Variants in GLI4 observed in about 807,000 individuals in gnomAD.
GLI4 encodes the protein zinc finger protein GLI4.
A neutral mutation model predicts 30.9 loss-of-function variants in GLI4; 34 were observed. The ratio of observed to expected loss-of-function variants is 1.10; its 90% confidence interval spans 0.84 to 1.47. GLI4 has a LOEUF of 1.47. Ranked by LOEUF, GLI4 falls within the 40% of genes most tolerant of loss-of-function variation. The pLI is 0.00. For missense variants in GLI4, 696 were observed against 538.9 expected (o/e 1.29, Z -2.89); for synonymous variants, 277 against 236.7 (o/e 1.17, Z -1.56).
chr8:143,268,655 G>C (rs548000194), intron 1 of GLI4, among the ~76,000 whole-genome samples: 1 of 152,370 alleles, frequency 6.6e-6, no homozygotes, highest in South Asian at 2.1e-4. Context: ...CACAGGGCCA[G>C]CAGCTGAGGT....
chr8:143,276,218 C>T lies in GLI4; in HGVS notation c.545C>T (p.Pro182Leu). The change falls in exon 4 of 4, where the codon CCG becomes CTG. Residue 182 changes from proline to leucine, a missense_variant. Physicochemically the swap from Pro to Leu is moderately conservative, Grantham distance 98. Coordinates refer to ENST00000340042, the MANE Select transcript of GLI4 (RefSeq NM_138465.4). ...SRQGSARGAKPHRCEACGKSF... is the reference protein window; with the variant it reads ...SRQGSARGAKLHRCEACGKSF... ...CAGGGCAGCGCGCGGGGGGCCAAGC[C>T]GCACAGGTGCGAGGCCTGCGGCAAG... is the stretch of plus-strand genomic sequence containing the variant. The T allele has an allele frequency of 1.6e-5, 26 of 1,588,684 alleles. No individual in the cohort carries two copies. Among genetic ancestry groups the T allele is most frequent in the Non-Finnish European group, 2.1e-5 (24 of 1,168,522 alleles).
chr8:143,274,696 A>AC lies in GLI4; in HGVS notation c.125-3dup. ...GTGGAGGTGAGCCCCAGCCTCCCTG[A>AC]CCCCCAGGCTCCCCTGGCTCCAGCC... On this transcript the variant is annotated splice_region_variant and splice_polypyrimidine_tract_variant and intron_variant, in intron 2 of 3. Coordinates refer to ENST00000340042, the MANE Select transcript of GLI4 (RefSeq NM_138465.4). The AC allele has an allele frequency of 6.5e-7, 1 of 1,546,740 alleles. No individual in the cohort carries two copies. Among genetic ancestry groups the AC allele is most frequent in the Non-Finnish European group, 8.8e-7 (1 of 1,142,258 alleles).
intron 3 of GLI4, 101 bp downstream of exon 3, chr8:143,274,903 C>T: frequency 6.7e-7 from 1 of 1,486,888 alleles, no homozygotes; most frequent in East Asian, 2.5e-5. Flanking sequence ...GGCACCACCC[C>T]CTTCCTGGGG....
chr8:143,276,032 A>G lies in GLI4; in HGVS notation c.359A>G (p.Glu120Gly). 1 of 1,389,874 alleles carries G rather than the reference A, an allele frequency of 7.2e-7. No individual in the cohort carries two copies. The highest frequency in any genetic ancestry group is 1.6e-5 in the South Asian group (1 of 60,642). The allele number at this position is 1,389,874 out of a possible 1,614,324, so 86.1% of individuals were successfully genotyped here. The part of the protein sequence containing the change: ...RARCSAGFGP[E>G]SSAERPAGQP... ...CGGTGCAGCGCCGGCTTCGGGCCTG[A>G]ATCCAGCGCGGAGCGGCCGGCGGGC... The change falls in exon 4 of 4, where the codon GAA becomes GGA. Residue 120 changes from glutamate to glycine, a missense_variant. By Grantham distance (98) the Glu-to-Gly change is moderately conservative (BLOSUM62 -2). Transcript: ENST00000340042.
At chr8:143,269,662 G>T (rs1815222506) in intron 2 of GLI4, 142 bp downstream of exon 2, 2 of 741,134 alleles carry the variant, frequency 2.7e-6, no homozygotes, top group Admixed American at 4.4e-5. Context: ...AGCAGCTGGG[G>T]TTCCCACACC....
chr8:143,269,923 C>T (rs990561977), intron 2 of GLI4, among the ~76,000 whole-genome samples: 4 of 152,234 alleles, frequency 2.6e-5, no homozygotes, highest in Non-Finnish European at 5.9e-5. Context: ...GGTGTGATCC[C>T]CCGGGACTCG....
chr8:143,276,743 G>A lies in GLI4; in HGVS notation c.1070G>A (p.Gly357Asp). 1 of 1,607,986 alleles carries A rather than the reference G, an allele frequency of 6.2e-7. No individual in the cohort carries two copies. The highest frequency in any genetic ancestry group is 1.1e-5 in the South Asian group (1 of 90,650). ...AAGCCCTTCGCGTGTGGCGCCTGCG[G>A]CAAGGCCTTCGGCCAGAGCTCCCAG... ...GEKPFACGAC[G>D]KAFGQSSQLI... Residue 357 changes from glycine to aspartate, a missense_variant, in exon 4 of 4, where the codon GGC becomes GAC. Transcript: ENST00000340042.
At chr8:143,268,163 A>G (rs554509383) in intron 1 of GLI4, 214 of 813,570 alleles carry the variant, frequency 2.6e-4, no homozygotes, top group African/African-American at 1.6e-3. Flanking sequence ...GTGGCCACCT[A>G]CCTGGTGACC....
Position 143,269,470 on chromosome 8 carries a change from C to G in GLI4, c.74C>G (p.Pro25Arg), listed in dbSNP as rs1269563283. The change falls in exon 2 of 4, where the codon CCT (proline) becomes CGT (arginine). Residue 25 changes from proline (P) to arginine (R), a missense_variant. Coordinates refer to ENST00000340042, the MANE Select transcript of GLI4 (RefSeq NM_138465.4). ...SPVSLSSPGT[P>R]GTQHHEPQLH... ...GTCAGTCTCTCATCACCGGGGACACCTGGAACCCAGCACCACGAGCCTCAG... is the reference window on the plus strand; with the variant it reads ...GTCAGTCTCTCATCACCGGGGACACGTGGAACCCAGCACCACGAGCCTCAG... 1 of 1,612,494 alleles carries G rather than the reference C, an allele frequency of 6.2e-7. No individual in the cohort carries two copies. Among genetic ancestry groups the G allele is most frequent in the Non-Finnish European group, 8.5e-7 (1 of 1,178,994 alleles).
intron 1 of GLI4, chr8:143,267,780 A>T (rs543098963): frequency 3.0e-6 from 3 of 985,120 alleles, no homozygotes; most frequent in South Asian, 4.7e-5. Context: ...CACTCTGCAG[A>T]TGGGAAACTG....
At chr8:143,270,981 G>A (rs570634266) in intron 2 of GLI4, among the ~76,000 whole-genome samples, 2 of 151,638 alleles carry the variant, frequency 1.3e-5, no homozygotes, top group African/African-American at 4.8e-5. Context: ...GCAGGGTTGC[G>A]CTACCCCCAG....
intron 1 of GLI4, among the ~76,000 whole-genome samples, chr8:143,269,136 C>T (rs1188114731): frequency 1.3e-5 from 2 of 152,188 alleles, no homozygotes; most frequent in Non-Finnish European, 2.9e-5. Context: ...GCCACCGTCC[C>T]CAGCCACTCA....
rs1201263692 is a variant in GLI4 at position 143,276,391 on chromosome 8, G to C, written c.718G>C (p.Glu240Gln). 7 of 1,612,314 alleles carry C rather than the reference G, an allele frequency of 4.3e-6. No individual in the cohort carries two copies. In the East Asian group the frequency reaches 1.1e-4, roughly 26 times the overall value. ...CATCCACACGGGCGAGAAGCCCTAC[G>C]AGTGCGGCCAGTGCGGCCGCGCCTT... Reference protein sequence around the residue: ...HRIHTGEKPYECGQCGRAFSH... With the variant: ...HRIHTGEKPYQCGQCGRAFSH... Residue 240 changes from glutamate (E) to glutamine (Q), a missense_variant, in exon 4 of 4, where the codon GAG (glutamate) becomes CAG (glutamine). Physicochemically the swap from Glu to Gln is conservative, Grantham distance 29. Transcript: ENST00000340042.
rs777653914 is a variant in GLI4 at position 143,276,519 on chromosome 8, G to C, written c.846G>C (p.Leu282=). The change falls in exon 4 of 4, where the codon CTG becomes CTC. Residue 282 remains leucine (L), a synonymous_variant. Transcript: ENST00000340042. ...AGGCCTTCAGCCAGAGCTCCAACCT[G>C]GTGCGCCACCAGCGGCTGCACACGG... The part of the protein sequence containing the change: ...CGQAFSQSSN[L]VRHQRLHTGE... The C allele has an allele frequency of 4.4e-6, 7 of 1,608,576 alleles. No individual in the cohort carries two copies. The highest frequency in any genetic ancestry group is 5.9e-6 in the Non-Finnish European group (7 of 1,178,770).
rs1170488244 is a variant in GLI4 at position 143,275,975 on chromosome 8, G to A, written c.302G>A (p.Arg101His). ...APDEGAGGAL[R>H]SLLRSLPRRA... ...GACGAGGGGGCGGGCGGGGCGCTGC[G>A]CAGCCTCCTGAGGAGCCTTCCCCGC... The change falls in exon 4 of 4, where the codon CGC becomes CAC. Residue 101 changes from arginine (R) to histidine (H), a missense_variant. Physicochemically the swap from Arg to His is conservative, Grantham distance 29. Coordinates refer to ENST00000340042, the MANE Select transcript of GLI4 (RefSeq NM_138465.4). The A allele has an allele frequency of 2.2e-6, 3 of 1,355,046 alleles. No individual in the cohort carries two copies. Among genetic ancestry groups the A allele is most frequent in the Non-Finnish European group, 2.8e-6 (3 of 1,054,370 alleles). 83.9% of individuals were successfully genotyped at this position (1,355,046 alleles called of 1,614,324 possible).
chr8:143,271,129 G>C (rs1188790861), intron 2 of GLI4, among the ~76,000 whole-genome samples: 1 of 152,216 alleles, frequency 6.6e-6, no homozygotes, highest in Non-Finnish European at 1.5e-5. Context: ...CCCCGTGGGA[G>C]GGAGTGGGGG....
At chr8:143,275,872 C>G (rs962092739) in intron 3 of GLI4, 25 bp from the exon 4 acceptor site, 2 of 1,269,588 alleles carry the variant, frequency 1.6e-6, no homozygotes, top group Non-Finnish European at 2.0e-6. Context: ...CGGGTACTAT[C>G]CGCCTCTGCC....
chr8:143,276,615 G>T lies in GLI4; in HGVS notation c.942G>T (p.Gln314His), dbSNP rs755873250. 1 of 1,611,428 alleles carries T rather than the reference G, an allele frequency of 6.2e-7. No homozygotes were observed. Among genetic ancestry groups the T allele is most frequent in the Non-Finnish European group, 8.5e-7 (1 of 1,179,286 alleles). ...FIWSSVLIEH[Q>H]RIHTGEKPYE... is the part of the protein sequence containing the mutation. Reference sequence around the variant, plus strand: ...GGAGCTCCGTGCTCATCGAGCACCAGCGCATCCACACTGGCGAGAAGCCCT... The same window carrying T: ...GGAGCTCCGTGCTCATCGAGCACCATCGCATCCACACTGGCGAGAAGCCCT... The change falls in exon 4 of 4, where the codon CAG (glutamine) becomes CAT (histidine). Residue 314 changes from glutamine (Q) to histidine (H), a missense_variant. Physicochemically the swap from Gln to His is conservative, Grantham distance 24. Transcript: ENST00000340042.
At chr8:143,267,664 C>T (rs1412679386) in intron 1 of GLI4, 180 bp downstream of exon 1, 2 of 985,106 alleles carry the variant, frequency 2.0e-6, no homozygotes, top group Admixed American at 6.2e-5. Context: ...TCCTGGGGGT[C>T]GCGGAGCAGC....
Sources: gnomAD v4.1 joint callset for allele counts (sites outside exome capture counted in the v4.1 genomes callset) on GRCh38, gnomAD v4.1.1 for gene constraint, MANE v1.5 for transcripts, NCBI Gene and HGNC (gene_info 2026-07-23, HGNC 2026-07-21) for gene names.